PDSS2: variants seen among roughly 807,000 people sequenced by gnomAD.
The protein encoded by PDSS2 is all trans-polyprenyl-diphosphate synthase PDSS2.
PDSS2 carries 31 observed loss-of-function variants against 44.5 expected under a neutral mutation model. The observed-to-expected ratio is 0.70, with a 90% CI of 0.52 to 0.94. The LOEUF is 0.94. Ranked by LOEUF, PDSS2 falls within the 40% of genes least tolerant of loss-of-function variation. The pLI, the probability that PDSS2 is intolerant of heterozygous loss-of-function variation, is 0.00. For missense variants in PDSS2, 452 were observed against 482.2 expected (o/e 0.94, Z 0.59); for synonymous variants, 157 against 180.3 (o/e 0.87, Z 1.03).
At chr6:107,244,084 T>C (rs529865452) in intron 4 of PDSS2, among the ~76,000 whole-genome samples, 1 of 152,238 alleles carries the variant, frequency 6.6e-6, no homozygotes, top group African/African-American at 2.4e-5. Context: ...GCCGAGATCG[T>C]GCCATTGCAC....
At chr6:107,231,829 G>A (rs1774059143) in intron 4 of PDSS2, among the ~76,000 whole-genome samples, 1 of 152,096 alleles carries the variant, frequency 6.6e-6, no homozygotes, top group African/African-American at 2.4e-5. Flanking sequence ...GGGTGTGGTG[G>A]TGCGCACCTG....
At chr6:107,233,621 G>A (rs920573221) in intron 4 of PDSS2, among the ~76,000 whole-genome samples, 1 of 151,962 alleles carries the variant, frequency 6.6e-6, no homozygotes, top group African/African-American at 2.4e-5. Flanking sequence ...AGACCAGCCC[G>A]GGCAACGAAG....
intron 1 of PDSS2, among the ~76,000 whole-genome samples, chr6:107,419,600 G>A (rs1780763641): frequency 6.6e-6 from 1 of 152,164 alleles, no homozygotes; most frequent in Admixed American, 6.5e-5. Flanking sequence ...GACTAGCCAA[G>A]AGAAATAATC....
chr6:107,369,029 T>C (rs1779049526), intron 1 of PDSS2, among the ~76,000 whole-genome samples: 1 of 152,242 alleles, frequency 6.6e-6, no homozygotes, highest in South Asian at 2.1e-4. Flanking sequence ...TTATGGTCAA[T>C]TAATTTTTGA....
At chr6:107,354,659 G>C (rs1562483015) in intron 1 of PDSS2, among the ~76,000 whole-genome samples, 1 of 152,162 alleles carries the variant, frequency 6.6e-6, no homozygotes, top group Non-Finnish European at 1.5e-5. Flanking sequence ...CAGTCAGAAG[G>C]GGCTGTACAG....
At chr6:107,327,384 C>T (rs530266505) in intron 2 of PDSS2, among the ~76,000 whole-genome samples, 1 of 152,168 alleles carries the variant, frequency 6.6e-6, no homozygotes, top group African/African-American at 2.4e-5. Flanking sequence ...ATTGAAGCTG[C>T]AGATAACAGA....
intron 4 of PDSS2, among the ~76,000 whole-genome samples, chr6:107,239,488 G>A (rs957891394): frequency 2.0e-5 from 3 of 151,972 alleles, no homozygotes; most frequent in Non-Finnish European, 4.4e-5. Context: ...ACTCAAAATT[G>A]GGAGAAATAC....
chr6:107,370,298 CATT>C, intron 1 of PDSS2, among the ~76,000 whole-genome samples: 1 of 152,170 alleles, frequency 6.6e-6, no homozygotes, highest in Non-Finnish European at 1.5e-5. Flanking sequence ...ATTCACCAGT[CATT>C]ATTAGGATAT....
At chr6:107,323,861 T>C (rs1777458508) in intron 2 of PDSS2, among the ~76,000 whole-genome samples, 2 of 152,232 alleles carry the variant, frequency 1.3e-5, no homozygotes, top group South Asian at 4.1e-4. Context: ...AAACAATTTA[T>C]GCAGCTTGTG....
intron 2 of PDSS2, among the ~76,000 whole-genome samples, chr6:107,308,069 A>G (rs1203000031): frequency 6.6e-6 from 1 of 152,210 alleles, no homozygotes; most frequent in African/African-American, 2.4e-5. Flanking sequence ...GATGAGCACA[A>G]CGTACTAAGA....
chr6:107,272,615 C>T (rs1022011816), intron 3 of PDSS2, among the ~76,000 whole-genome samples: 3 of 152,166 alleles, frequency 2.0e-5, no homozygotes, highest in African/African-American at 7.2e-5. Context: ...TATAATCAAA[C>T]CTAATCCTAA....
chr6:107,412,999 G>T (rs574775471), intron 1 of PDSS2, among the ~76,000 whole-genome samples: 1 of 152,180 alleles, frequency 6.6e-6, no homozygotes, highest in East Asian at 1.9e-4. Flanking sequence ...TTTAATTTCT[G>T]CCCTATTAGG....
chr6:107,416,656 CTG>C (rs1440108512), intron 1 of PDSS2, among the ~76,000 whole-genome samples: 1 of 152,170 alleles, frequency 6.6e-6, no homozygotes, highest in Non-Finnish European at 1.5e-5. Context: ...TTTAAAAAAA[CTG>C]TTTCCAATTT....
rs2115201936 is a variant in PDSS2, at chr6:107,327,212, T to C, written c.431+6986A>G. ...TTGGATGTGGTCCAGCAGGTCCCTA[T>C]GCTGCAATTCTGAAGCAGTGGGAAC... On this transcript the variant is annotated intron_variant, in intron 2 of 7. Coordinates refer to ENST00000369037, the MANE Select transcript of PDSS2 (RefSeq NM_020381.4). Among the ~76,000 whole-genome samples, 3 of 152,276 alleles carry C rather than the reference T, an allele frequency of 2.0e-5. No individual in the cohort carries two copies. In the Middle Eastern group the frequency reaches 0.01, roughly 518 times the overall value.
At chr6:107,320,367 T>C (rs769900222) in intron 2 of PDSS2, among the ~76,000 whole-genome samples, 16 of 152,226 alleles carry the variant, frequency 1.1e-4, no homozygotes, top group Non-Finnish European at 2.2e-4. Flanking sequence ...AGAGAAAATC[T>C]TGTAGGTGCA....
At chr6:107,376,248 C>CT (rs1468618381) in intron 1 of PDSS2, among the ~76,000 whole-genome samples, 8 of 151,878 alleles carry the variant, frequency 5.3e-5, no homozygotes, top group Non-Finnish European at 1.0e-4. Context: ...GATGTGGGCT[C>CT]TTTTTTGGTT....
At chr6:107,197,097 A>G (rs910737965) in intron 6 of PDSS2, among the ~76,000 whole-genome samples, 2 of 152,172 alleles carry the variant, frequency 1.3e-5, no homozygotes, top group African/African-American at 4.8e-5. Flanking sequence ...CAAAATTCAC[A>G]TAGCTGTGAA....
At chr6:107,191,187 G>C (rs1000241221) in intron 7 of PDSS2, among the ~76,000 whole-genome samples, 3 of 152,102 alleles carry the variant, frequency 2.0e-5, no homozygotes, top group African/African-American at 7.2e-5. Context: ...CACCGTGCCC[G>C]GCCTAGAGCA....
chr6:107,410,463 C>T (rs1015444013), intron 1 of PDSS2, among the ~76,000 whole-genome samples: 1 of 132,766 alleles, frequency 7.5e-6, no homozygotes, highest in Non-Finnish European at 1.6e-5. Flanking sequence ...TATGTACTGT[C>T]CTCTACGCTG....
Sources: gnomAD v4.1 joint callset for allele counts (sites outside exome capture counted in the v4.1 genomes callset) on GRCh38, gnomAD v4.1.1 for gene constraint, MANE v1.5 for transcripts, NCBI Gene and HGNC (gene_info 2026-07-23, HGNC 2026-07-21) for gene names.